Variants in TTBK1 observed in about 807,000 individuals in gnomAD.
TTBK1 encodes tau-tubulin kinase 1.
In TTBK1, 34 loss-of-function variants were observed where a neutral mutation model predicts 108.5. The observed-to-expected ratio is 0.31, with a 90% CI of 0.24 to 0.42. The LOEUF is 0.42. Ranked by LOEUF, TTBK1 falls within the 10% of genes least tolerant of loss-of-function variation. The pLI is 1.00. For missense variants in TTBK1, 1,539 were observed against 1,826.0 expected, an observed-to-expected ratio of 0.84 and a Z score of 2.86; for synonymous variants, 809 against 795.1, an observed-to-expected ratio of 1.02 and a Z score of -0.29.
At position 43,273,620 on chromosome 6, in the gene TTBK1, C is replaced by T. The variant is rs924687518; in HGVS notation, c.1987-9107C>T. ...GAACACCGAATGGGTGTCACCAACT[C>T]GTACATCAACAAGATCCAAACAGTG... On this transcript the variant is annotated intron_variant, in intron 13 of 14. Coordinates refer to ENST00000259750, the MANE Select transcript of TTBK1 (RefSeq NM_032538.3). The surrounding 1 kb of genome is among the most constrained non-coding windows in gnomAD (Gnocchi z 4.2). 2.0e-5 allele frequency among the ~76,000 whole-genome samples: 3 copies of T among 152,148 alleles called. No individual in the cohort carries two copies. Among genetic ancestry groups the T allele is most frequent in the South Asian group, 2.1e-4 (1 of 4,824 alleles).
chr6:43,275,299 C>CCCCGCCGCGCT (rs1426833153), intron 13 of TTBK1, among the ~76,000 whole-genome samples: 3 of 151,898 alleles, frequency 2.0e-5, no homozygotes, highest in African/African-American at 7.2e-5. Flanking sequence ...CGGACTTCGG[C>CCCCGCCGCGCT]CCCGCCGCGC....
chr6:43,250,614 C>T (rs1002251805), intron 2 of TTBK1, among the ~76,000 whole-genome samples: 18 of 152,270 alleles, frequency 1.2e-4, no homozygotes, highest in East Asian at 9.7e-4. Flanking sequence ...CCACTTCAGC[C>T]TCCCAAAGTG....
chr6:43,266,698 C>A (rs1777685788), intron 13 of TTBK1, among the ~76,000 whole-genome samples: 2 of 151,978 alleles, frequency 1.3e-5, no homozygotes, highest in Admixed American at 6.6e-5. Context: ...CTCACTGCAA[C>A]CTCCACCTCC....
At position 43,257,588 on chromosome 6, in the gene TTBK1, G is replaced by A. The variant is rs149807190; in HGVS notation, c.862-224G>A. Reference sequence around the variant, plus strand: ...ACAGATCTCAGAGGGTTCATGTCCAGTCAGTGGGGCTTAATCCAAGATGAT... The same window carrying A: ...ACAGATCTCAGAGGGTTCATGTCCAATCAGTGGGGCTTAATCCAAGATGAT... On this transcript the variant is annotated intron_variant, in intron 9 of 14. Transcript: ENST00000259750. This position sits in a 1 kb window ranked among gnomAD's most constrained non-coding sequence, Gnocchi z 4.5. Among the ~76,000 whole-genome samples the A allele has an allele frequency of 2.6e-5, 4 of 152,306 alleles. No individual in the cohort carries two copies. Among genetic ancestry groups the A allele is most frequent in the African/African-American group, 9.6e-5 (4 of 41,570 alleles).
rs1463203909 is a variant in TTBK1, at chr6:43,283,576, G to A, written c.2836G>A (p.Gly946Arg). ...CCACCTCAACGTCATGTCTTCCGGTGGACAAGCCTTGCGGTCTGAGGAGTT... is the reference window on the plus strand; with the variant it reads ...CCACCTCAACGTCATGTCTTCCGGTAGACAAGCCTTGCGGTCTGAGGAGTT... ...KTHLNVMSSG[G>R]QALRSEEFSA... The change falls in exon 14 of 15, where the codon GGA (glycine) becomes AGA (arginine). Residue 946 changes from glycine (G) to arginine (R), a missense_variant. Coordinates refer to ENST00000259750, the MANE Select transcript of TTBK1 (RefSeq NM_032538.3). The surrounding 1 kb of genome is among the most constrained non-coding windows in gnomAD (Gnocchi z 8.1). The A allele has an allele frequency of 6.2e-7, 1 of 1,614,164 alleles. No homozygotes were observed. Among genetic ancestry groups the A allele is most frequent in the South Asian group, 1.1e-5 (1 of 91,088 alleles).
rs1777102638 is a variant in TTBK1 at position 43,246,845 on chromosome 6, T to C, written c.108+77T>C. On this transcript the variant is annotated intron_variant, in intron 2 of 14. Transcript: ENST00000259750. ...GGACCTGGAGACTTGTTAAAACCGG[T>C]GCCCTCCGCTCCCCTACCCTAAGAG... 8 of 1,119,098 alleles carry C rather than the reference T, an allele frequency of 7.1e-6. No homozygotes were observed. The Admixed American group carries it at 1.8e-4, about 26-fold the overall frequency. The allele number at this position is 1,119,098 out of a possible 1,614,324, so 69.3% of individuals were successfully genotyped here.
chr6:43,271,032 G>A (rs1313666174), intron 13 of TTBK1: 6 of 985,366 alleles, frequency 6.1e-6, no homozygotes, highest in Non-Finnish European at 6.0e-6. Context: ...GCCAGCTTGC[G>A]CCTGCCTCTT....
chr6:43,262,712 C>T (rs1266350735), intron 12 of TTBK1, 77 bp from the exon 13 acceptor site: 2 of 1,404,510 alleles, frequency 1.4e-6, no homozygotes, highest in South Asian at 1.5e-5. Context: ...GAGTCACGCC[C>T]CACCCTGCCG....
chr6:43,278,409 C>T (rs978445501), intron 13 of TTBK1, among the ~76,000 whole-genome samples: 1 of 152,204 alleles, frequency 6.6e-6, no homozygotes, highest in Non-Finnish European at 1.5e-5. Context: ...CCTCTCCCCA[C>T]AGCCGAACCC....
chr6:43,252,929 AG>A, intron 3 of TTBK1, 43 bp downstream of exon 3: 1 of 1,607,376 alleles, frequency 6.2e-7, no homozygotes, highest in Non-Finnish European at 8.5e-7. Context: ...GAGATGATGA[AG>A]CCAGGGGCTA....
Position 43,285,252 on chromosome 6 carries a change from C to A in TTBK1, c.3842C>A (p.Ala1281Asp). 7.7e-7 allele frequency: 1 copy of A among 1,298,076 alleles called. No homozygotes were observed. The highest frequency in any genetic ancestry group is 9.7e-7 in the Non-Finnish European group (1 of 1,027,778). 80.4% of individuals were successfully genotyped at this position (1,298,076 alleles called of 1,614,324 possible). Residue 1281 changes from alanine to aspartate, a missense_variant, in exon 15 of 15, where the codon GCC becomes GAC. Coordinates refer to ENST00000259750, the MANE Select transcript of TTBK1 (RefSeq NM_032538.3). This position sits in a 1 kb window ranked among gnomAD's most constrained non-coding sequence, Gnocchi z 4.7. Reference protein sequence around the residue: ...PPPRGVPPARAQPDGTPSPGG... With the variant: ...PPPRGVPPARDQPDGTPSPGG... ...CCCCGGGGCGTCCCGCCGGCCCGGG[C>A]CCAGCCTGATGGCACCCCCTCCCCC... is the stretch of plus-strand genomic sequence containing the variant.
intron 2 of TTBK1, among the ~76,000 whole-genome samples, chr6:43,251,428 CTTCT>C (rs1777237010): frequency 6.6e-6 from 1 of 152,202 alleles, no homozygotes; most frequent in Non-Finnish European, 1.5e-5. Context: ...GCTCTCCATC[CTTCT>C]TTCTTTTTCT....
At chr6:43,272,092 G>A in intron 13 of TTBK1, 1 of 985,508 alleles carries the variant, frequency 1.0e-6, no homozygotes, top group Non-Finnish European at 1.2e-6. Context: ...GCCTCCCCCA[G>A]CCACCTCCTC....
Position 43,269,945 on chromosome 6 carries a change from G to A in TTBK1, c.1986+6595G>A. The A allele has an allele frequency of 1.4e-6, 2 of 1,450,686 alleles. No homozygotes were observed. The highest frequency in any genetic ancestry group is 1.8e-6 in the Non-Finnish European group (2 of 1,105,006). The allele number at this position is 1,450,686 out of a possible 1,614,324, so 89.9% of individuals were successfully genotyped here. On this transcript the variant is annotated intron_variant, in intron 13 of 14. Coordinates refer to ENST00000259750, the MANE Select transcript of TTBK1 (RefSeq NM_032538.3). This position sits in a 1 kb window ranked among gnomAD's most constrained non-coding sequence, Gnocchi z 4.8. ...AGGTGTGGGCCCGGTTCACCCACAAGACCTAGGCTGGGCCCCCCCCCTCCT... is the reference window on the plus strand; with the variant it reads ...AGGTGTGGGCCCGGTTCACCCACAAAACCTAGGCTGGGCCCCCCCCCTCCT...
intron 2 of TTBK1, among the ~76,000 whole-genome samples, chr6:43,251,273 C>G (rs1157967724): frequency 6.6e-6 from 1 of 152,140 alleles, no homozygotes; most frequent in African/African-American, 2.4e-5. Flanking sequence ...ACGTTCGGGG[C>G]GGGTTCAGAG....
intron 10 of TTBK1, among the ~76,000 whole-genome samples, chr6:43,258,783 C>T (rs1777444051): frequency 6.6e-6 from 1 of 152,220 alleles, no homozygotes; most frequent in Admixed American, 6.5e-5. Flanking sequence ...CCTTGAACGA[C>T]AGCAGGATCC....
chr6:43,268,875 A>G (rs1777748281), intron 13 of TTBK1, among the ~76,000 whole-genome samples: 1 of 152,198 alleles, frequency 6.6e-6, no homozygotes, highest in Non-Finnish European at 1.5e-5. Flanking sequence ...AAAATTAGAT[A>G]CTAAAATAGC....
rs1449324156 is a variant in TTBK1 at position 43,283,232 on chromosome 6, A to G, written c.2492A>G (p.Glu831Gly). ...SMADGDLEPE[E>G]GSKTLVLVSP... ...GCCGATGGGGACCTGGAGCCTGAGG[A>G]GGGCTCCAAAACGCTGGTGCTTGTC... Residue 831 changes from glutamate to glycine, a missense_variant, in exon 14 of 15, where the codon GAG becomes GGG. Physicochemically the swap from Glu to Gly is moderately conservative, Grantham distance 98. Transcript: ENST00000259750. This position sits in a 1 kb window ranked among gnomAD's most constrained non-coding sequence, Gnocchi z 8.1. 1 of 1,551,902 alleles carries G rather than the reference A, an allele frequency of 6.4e-7. No individual in the cohort carries two copies. Among genetic ancestry groups the G allele is most frequent in the Non-Finnish European group, 8.7e-7 (1 of 1,148,030 alleles).
At chr6:43,255,992 C>G (rs1582483093) in intron 9 of TTBK1, 136 bp downstream of exon 9, 2 of 1,065,654 alleles carry the variant, frequency 1.9e-6, no homozygotes, top group East Asian at 4.9e-5. Flanking sequence ...TCTAACTGCA[C>G]TAAAGGCATG....
Sources: gnomAD v4.1 joint callset for allele counts (sites outside exome capture counted in the v4.1 genomes callset) on GRCh38, gnomAD v4.1.1 for gene constraint, Gnocchi (gnomAD v3.1) non-coding constraint, MANE v1.5 for transcripts, NCBI Gene and HGNC (gene_info 2026-07-23, HGNC 2026-07-21) for gene names.